The following SYTL2 variants were observed in gnomAD, a reference collection of about 807,000 sequenced individuals.
SYTL2 encodes the protein synaptotagmin like 2, also known as synaptotagmin-like protein 2.
SYTL2 carries 165 observed loss-of-function variants against 198.7 expected under a neutral mutation model. The ratio of observed to expected loss-of-function variants is 0.83; its 90% confidence interval spans 0.73 to 0.94. The LOEUF is 0.94. Ranked by LOEUF, SYTL2 falls within the 40% of genes least tolerant of loss-of-function variation. The pLI, the probability that SYTL2 is intolerant of heterozygous loss-of-function variation, is 0.00. For synonymous variants in SYTL2, 966 were observed against 917.7 expected (o/e 1.05, Z -0.95); for missense variants, 2,835 against 2,582.8 (o/e 1.10, Z -2.12).
chr11:85,730,310 A>G (rs186015062), intron 7 of SYTL2, among the ~76,000 whole-genome samples: 92 of 152,318 alleles, frequency 6.0e-4, no homozygotes, highest in Non-Finnish European at 1.2e-3. Flanking sequence ...TTTCAGACCA[A>G]TATCCCTGAT....
chr11:85,819,830 A>G, the SYTL2 span, among the ~76,000 whole-genome samples: 1 of 152,148 alleles, frequency 6.6e-6, no homozygotes, highest in African/African-American at 2.4e-5. Context: ...GCATTCTTGT[A>G]TTTCTGCATA....
Position 85,727,625 on chromosome 11 carries a change from G to C in SYTL2, c.1733C>G (p.Pro578Arg). Residue 578 changes from proline (P) to arginine (R), a missense_variant, in exon 8 of 20, where the codon CCC becomes CGC. By Grantham distance (103) the Pro-to-Arg change is moderately radical. Transcript: ENST00000359152. ...LRENGSKTLSPSKIELKPVRS... is the reference protein window; with the variant it reads ...LRENGSKTLSRSKIELKPVRS... ...CACAGGCTTCAATTCAATTTTGCTG[G>C]GTGATAGGGTCTTTGAGCCATTTTC... 6.5e-7 allele frequency: 1 copy of C among 1,535,914 alleles called. No homozygotes were observed. The highest frequency in any genetic ancestry group is 1.4e-5 in the African/African-American group (1 of 73,080).
At chr11:85,741,119 A>C (rs1397335801) in intron 4 of SYTL2, among the ~76,000 whole-genome samples, 1 of 150,564 alleles carries the variant, frequency 6.6e-6, no homozygotes, top group Non-Finnish European at 1.5e-5. Context: ...ACCAAATTCT[A>C]CAAGTGTTGT....
chr11:85,776,691 A>G (rs2092457323), intron 1 of SYTL2, among the ~76,000 whole-genome samples: 1 of 152,216 alleles, frequency 6.6e-6, no homozygotes. Flanking sequence ...GCTATTGTGA[A>G]TAGTGATGCA....
intron 2 of SYTL2, among the ~76,000 whole-genome samples, chr11:85,750,717 T>C (rs1261838206): frequency 6.6e-6 from 1 of 152,164 alleles, no homozygotes; most frequent in African/African-American, 2.4e-5. Context: ...GCAGCCATCC[T>C]GAGTCAGGCA....
At chr11:85,769,780 C>A (rs2092319924) in intron 1 of SYTL2, among the ~76,000 whole-genome samples, 1 of 152,234 alleles carries the variant, frequency 6.6e-6, no homozygotes. Context: ...GGAAGAGAGT[C>A]CAGTAGCGGT....
chr11:85,820,542 C>T, the SYTL2 span, among the ~76,000 whole-genome samples: 4 of 152,244 alleles, frequency 2.6e-5, no homozygotes, highest in African/African-American at 7.2e-5. Context: ...CTACCACAGA[C>T]ATTCTAACTC....
intron 6 of SYTL2, among the ~76,000 whole-genome samples, chr11:85,735,141 G>A (rs527497004): frequency 3.9e-5 from 6 of 152,172 alleles, no homozygotes; most frequent in Non-Finnish European, 8.8e-5. Context: ...ATGCCTGTGT[G>A]GGGAGAGGGT....
At chr11:85,840,788 A>G in the SYTL2 span, among the ~76,000 whole-genome samples, 2 of 152,218 alleles carry the variant, frequency 1.3e-5, no homozygotes, top group Non-Finnish European at 2.9e-5. Flanking sequence ...AGGCAATACC[A>G]TTCTGGACAT....
chr11:85,776,412 G>A (rs189717222), intron 1 of SYTL2, among the ~76,000 whole-genome samples: 2 of 152,210 alleles, frequency 1.3e-5, no homozygotes, highest in Admixed American at 6.5e-5. Context: ...CTCCCACCGC[G>A]CAACAGGCCC....
At chr11:85,812,114 T>C (rs2093042399), upstream of SYTL2, among the ~76,000 whole-genome samples, 1 of 152,046 alleles carries the variant, frequency 6.6e-6, no homozygotes, top group Non-Finnish European at 1.5e-5. Context: ...CTCAAAAAAA[T>C]AAATAAAATA....
rs535936993 is a variant in SYTL2 at position 85,764,608 on chromosome 11, C to G, written c.-389-6494G>C. On this transcript the variant is annotated intron_variant, in intron 1 of 19. Coordinates refer to ENST00000359152, the MANE Select transcript of SYTL2 (RefSeq NM_206927.4). ...CCTAGACTGTTCTCTTTTCACCCTG[C>G]TGTTTCTCCCTCTGTACATTTGACT... Among the ~76,000 whole-genome samples the G allele has an allele frequency of 5.9e-5, 9 of 152,330 alleles. No homozygotes were observed. In the East Asian group the frequency reaches 1.7e-3, roughly 29 times the overall value.
At position 85,748,359 on chromosome 11, in the gene SYTL2, C is replaced by T; in HGVS notation, c.166G>A (p.Glu56Lys). The change falls in exon 3 of 20, where the codon GAA (glutamate) becomes AAA (lysine). Residue 56 changes from glutamate to lysine, a missense_variant. By Grantham distance (56) the Glu-to-Lys change is moderately conservative (BLOSUM62 1). Transcript: ENST00000359152. ...TCCCTGTGCCTTTTTGCCTTGGCTT[C>T]ATAAAACCATTGGCCACTCATATTC... is the stretch of plus-strand genomic sequence containing the variant. ...LKNMSGQWFY[E>K]AKAKRHRDKI... is the part of the protein sequence containing the mutation. The T allele has an allele frequency of 6.2e-7, 1 of 1,614,044 alleles. No individual in the cohort carries two copies. The highest frequency in any genetic ancestry group is 8.5e-7 in the Non-Finnish European group (1 of 1,179,944).
chr11:85,808,129 T>C (rs776110129), intron 1 of SYTL2, among the ~76,000 whole-genome samples: 108 of 152,228 alleles, frequency 7.1e-4, no homozygotes, highest in Non-Finnish European at 2.1e-4. Context: ...TACAGTGGCA[T>C]GATCTCAGCT....
chr11:85,846,734 A>ATTT, the SYTL2 span, among the ~76,000 whole-genome samples: 437 of 131,226 alleles, frequency 3.3e-3, 6 homozygotes, highest in Middle Eastern at 0.014. Context: ...GGTTGAAACT[A>ATTT]TTTTTTTTTT....
chr11:85,848,661 C>G, the SYTL2 span, among the ~76,000 whole-genome samples: 1 of 152,054 alleles, frequency 6.6e-6, no homozygotes, highest in Non-Finnish European at 1.5e-5. Context: ...ATATGTTTGT[C>G]CTTTTGTGTT....
chr11:85,706,370 C>T (rs2085146385), intron 15 of SYTL2, among the ~76,000 whole-genome samples: 1 of 152,166 alleles, frequency 6.6e-6, no homozygotes, highest in African/African-American at 2.4e-5. Flanking sequence ...CCTCATGGAA[C>T]TTACAATTTA....
chr11:85,749,723 T>C (rs1012966500), intron 2 of SYTL2, among the ~76,000 whole-genome samples: 1 of 152,222 alleles, frequency 6.6e-6, no homozygotes, highest in Non-Finnish European at 1.5e-5. Context: ...CCTAATGGTT[T>C]GACACTGCTT....
intron 1 of SYTL2, among the ~76,000 whole-genome samples, chr11:85,809,370 C>T (rs1349442323): frequency 6.6e-6 from 1 of 152,158 alleles, no homozygotes; most frequent in Non-Finnish European, 1.5e-5. Flanking sequence ...TGCTGAGAGG[C>T]TAAGGCAGTC....
Sources: allele counts gnomAD v4.1 joint callset (sites outside exome capture counted in the v4.1 genomes callset), GRCh38; gene constraint gnomAD v4.1.1; transcripts MANE v1.5; gene names NCBI Gene and HGNC (gene_info 2026-07-23, HGNC 2026-07-21).